Variants in PIEZO2 observed in about 807,000 individuals in gnomAD.
PIEZO2 encodes the protein piezo-type mechanosensitive ion channel component 2.
PIEZO2 carries 172 observed loss-of-function variants against 337.3 expected under a neutral mutation model. The observed-to-expected ratio is 0.51, with a 90% CI of 0.45 to 0.58. PIEZO2 has a LOEUF of 0.58. Among genes scored for constraint, PIEZO2 ranks in the 20% least tolerant of loss-of-function variants. The probability of loss-of-function intolerance (pLI) is 0.00; values close to 1 mark genes in which losing one functional copy is unlikely to be tolerated. For missense variants in PIEZO2, 3,028 were observed against 3,391.3 expected, an observed-to-expected ratio of 0.89 and a Z score of 2.66; for synonymous variants, 1,251 against 1,228.5, an observed-to-expected ratio of 1.02 and a Z score of -0.38.
Position 10,993,797 on chromosome 18 carries a change from G to A in PIEZO2, c.161-14137C>T, listed in dbSNP as rs1028401106. 6.6e-6 allele frequency among the ~76,000 whole-genome samples: 1 copy of A among 152,076 alleles called. No homozygotes were observed. Among genetic ancestry groups the A allele is most frequent in the Non-Finnish European group, 1.5e-5 (1 of 68,018 alleles). ...CCGCTTCGGCCTCCCAAAGTGCTGG[G>A]ATTACAGGCGTGAGCCACCGCTCCT... is the stretch of plus-strand genomic sequence containing the variant. On this transcript the variant is annotated intron_variant, in intron 2 of 55. Transcript: ENST00000674853. The surrounding 1 kb of genome is among the most constrained non-coding windows in gnomAD (Gnocchi z 5.0).
intron 22 of PIEZO2, 47 bp downstream of exon 22, chr18:10,762,875 C>A: frequency 6.6e-7 from 1 of 1,516,424 alleles, no homozygotes. Flanking sequence ...ATCTGCCTTG[C>A]TTTGCTAAAG....
In PIEZO2 at chr18:10,821,408, CCTGA is replaced by C. The variant is rs2040517503; in HGVS notation, c.918-14138_918-14135del. ...ACTTCACATATCTTTTTAACACCTGCCTGACTAATATGAATATATACTTGCATAA... is the reference window on the plus strand; with the variant it reads ...ACTTCACATATCTTTTTAACACCTGCCTAATATGAATATATACTTGCATAA... On this transcript the variant is annotated intron_variant, in intron 7 of 55. Transcript: ENST00000674853. This position sits in a 1 kb window ranked among gnomAD's most constrained non-coding sequence, Gnocchi z 4.2. Among the ~76,000 whole-genome samples, 1 of 152,014 alleles carries C rather than the reference CCTGA, an allele frequency of 6.6e-6. No individual in the cohort carries two copies. Among genetic ancestry groups the C allele is most frequent in the Non-Finnish European group, 1.5e-5 (1 of 67,996 alleles).
At chr18:10,680,395 C>T (rs1230082303) in intron 51 of PIEZO2, 24 bp from the exon 52 acceptor site, 1 of 1,602,936 alleles carries the variant, frequency 6.2e-7, no homozygotes, top group Admixed American at 1.7e-5. Context: ...AATGCACATG[C>T]ATAAATAGAT....
In PIEZO2 at chr18:10,781,230, G is replaced by A. The variant is rs1393808552; in HGVS notation, c.2493-864C>T. On this transcript the variant is annotated intron_variant, in intron 17 of 55. Coordinates refer to ENST00000674853, the MANE Select transcript of PIEZO2 (RefSeq NM_001378183.1). The surrounding 1 kb of genome is among the most constrained non-coding windows in gnomAD (Gnocchi z 4.1). Reference sequence around the variant, plus strand: ...TCACGCCTGTAATCCCAGCACTTTGGGAAGTCGAGGCAGGTGGATCATGAG... The same window carrying A: ...TCACGCCTGTAATCCCAGCACTTTGAGAAGTCGAGGCAGGTGGATCATGAG... Among the ~76,000 whole-genome samples the A allele has an allele frequency of 2.0e-5, 3 of 152,044 alleles. No individual in the cohort carries two copies. The highest frequency in any genetic ancestry group is 4.4e-5 in the Non-Finnish European group (3 of 68,020).
At chr18:11,018,229 G>A (rs2036189289) in intron 2 of PIEZO2, among the ~76,000 whole-genome samples, 2 of 151,356 alleles carry the variant, frequency 1.3e-5, no homozygotes, top group South Asian at 4.2e-4. Flanking sequence ...TGGTGTGTGT[G>A]TGTGTGTGTG....
chr18:11,055,923 G>C (rs552832012), intron 2 of PIEZO2, among the ~76,000 whole-genome samples: 2 of 152,322 alleles, frequency 1.3e-5, no homozygotes, highest in Admixed American at 6.5e-5. Context: ...CTCTGCCCTC[G>C]AGCTCCATCA....
chr18:10,787,254 G>T (rs1196923948), intron 15 of PIEZO2, 70 bp from the exon 16 acceptor site: 5 of 1,386,488 alleles, frequency 3.6e-6, no homozygotes, highest in Non-Finnish European at 4.8e-6. Flanking sequence ...AAAATATTTG[G>T]TTTAATTCAA....
In PIEZO2 at chr18:10,775,978, T is replaced by C. The variant is rs192688762; in HGVS notation, c.2535-1940A>G. Among the ~76,000 whole-genome samples, 33 of 152,336 alleles carry C rather than the reference T, an allele frequency of 2.2e-4. No homozygotes were observed. Among genetic ancestry groups the C allele is most frequent in the African/African-American group, 7.5e-4 (31 of 41,582 alleles). On this transcript the variant is annotated intron_variant, in intron 18 of 55. Coordinates refer to ENST00000674853, the MANE Select transcript of PIEZO2 (RefSeq NM_001378183.1). The surrounding 1 kb of genome is among the most constrained non-coding windows in gnomAD (Gnocchi z 4.3). ...TTTACTAGTCTAGGGGTTTATTAACTATCTTGAGAAATTTCAGAGAATTGT... is the reference window on the plus strand; with the variant it reads ...TTTACTAGTCTAGGGGTTTATTAACCATCTTGAGAAATTTCAGAGAATTGT...
chr18:11,004,651 G>A (rs112366240), intron 2 of PIEZO2, among the ~76,000 whole-genome samples: 1 of 152,190 alleles, frequency 6.6e-6, no homozygotes, highest in Non-Finnish European at 1.5e-5. Context: ...AATCAGAAGG[G>A]AGATTCTTTT....
chr18:10,692,602 T>C (rs572113602), intron 47 of PIEZO2, among the ~76,000 whole-genome samples: 1 of 152,246 alleles, frequency 6.6e-6, no homozygotes, highest in East Asian at 1.9e-4. Flanking sequence ...TCCAGCACCA[T>C]TTGCATTTGT....
intron 3 of PIEZO2, among the ~76,000 whole-genome samples, chr18:10,930,020 C>A (rs1380883319): frequency 6.6e-6 from 1 of 152,190 alleles, no homozygotes; most frequent in Non-Finnish European, 1.5e-5. Flanking sequence ...ACTGACAGAA[C>A]AAACTTTTTG....
At chr18:10,689,913 C>T (rs770472421) in intron 48 of PIEZO2, 111 bp from the exon 49 acceptor site, 9 of 1,306,166 alleles carry the variant, frequency 6.9e-6, no homozygotes, top group Non-Finnish European at 9.2e-6. Flanking sequence ...GACTCAGAAA[C>T]AATTCTCTAG....
intron 1 of PIEZO2, among the ~76,000 whole-genome samples, chr18:11,107,397 A>C (rs1319199192): frequency 6.6e-6 from 1 of 152,226 alleles, no homozygotes; most frequent in African/African-American, 2.4e-5. Context: ...AACTGAAAAT[A>C]AACAGATAAA....
At chr18:10,735,354 G>A (rs1223126272) in intron 34 of PIEZO2, among the ~76,000 whole-genome samples, 24 bp from the exon 35 acceptor site, 1 of 152,166 alleles carries the variant, frequency 6.6e-6, no homozygotes, top group Non-Finnish European at 1.5e-5. Flanking sequence ...CAAAGCAAGA[G>A]TAATTAGTAG....
At position 11,003,497 on chromosome 18, in the gene PIEZO2, T is replaced by G. The variant is rs1280109585; in HGVS notation, c.161-23837A>C. On this transcript the variant is annotated intron_variant, in intron 2 of 55. Transcript: ENST00000674853. The surrounding 1 kb of genome is among the most constrained non-coding windows in gnomAD (Gnocchi z 4.6). Reference sequence around the variant, plus strand: ...ACACTTCTATATTAAACACCTGAAATAAATGTGAACTACACATACATTTAA... The same window carrying G: ...ACACTTCTATATTAAACACCTGAAAGAAATGTGAACTACACATACATTTAA... 6.6e-6 allele frequency among the ~76,000 whole-genome samples: 1 copy of G among 152,176 alleles called. No individual in the cohort carries two copies. The highest frequency in any genetic ancestry group is 1.5e-5 in the Non-Finnish European group (1 of 68,024).
In PIEZO2 at chr18:11,027,312, G is replaced by A. The variant is rs1400028493; in HGVS notation, c.160+38815C>T. Among the ~76,000 whole-genome samples, 1 of 152,162 alleles carries A rather than the reference G, an allele frequency of 6.6e-6. No individual in the cohort carries two copies. Among genetic ancestry groups the A allele is most frequent in the Non-Finnish European group, 1.5e-5 (1 of 68,034 alleles). ...GTCAAGGTATAACCGGGCTCTGCTG[G>A]ACCTGTGTGTGAATAAAGGAAGGAC... On this transcript the variant is annotated intron_variant, in intron 2 of 55. Transcript: ENST00000674853. This position sits in a 1 kb window ranked among gnomAD's most constrained non-coding sequence, Gnocchi z 4.2.
intron 29 of PIEZO2, among the ~76,000 whole-genome samples, chr18:10,749,161 T>C (rs953806285): frequency 6.6e-6 from 1 of 151,900 alleles, no homozygotes; most frequent in Non-Finnish European, 1.5e-5. Flanking sequence ...AAAAAAAAAA[T>C]TAATCTTTTT....
intron 7 of PIEZO2, among the ~76,000 whole-genome samples, chr18:10,816,121 G>GGGA (rs1340854197): frequency 6.6e-6 from 1 of 152,152 alleles, no homozygotes; most frequent in East Asian, 1.9e-4. Context: ...GCTCTTCACT[G>GGGA]GGAGGAGCTT....
At position 10,726,498 on chromosome 18, in the gene PIEZO2, G is replaced by A. The variant is rs1176122003; in HGVS notation, c.5029+4909C>T. 4.2e-5 allele frequency: 63 copies of A among 1,496,110 alleles called. No individual in the cohort carries two copies. The highest frequency in any genetic ancestry group is 5.4e-5 in the Non-Finnish European group (61 of 1,127,686). 92.7% of individuals were successfully genotyped at this position (1,496,110 alleles called of 1,614,324 possible). On this transcript the variant is annotated intron_variant, in intron 36 of 55. Transcript: ENST00000674853. This position sits in a 1 kb window ranked among gnomAD's most constrained non-coding sequence, Gnocchi z 5.9. ...GCCACCCTGCACAGCGTGCTGCTCC[G>A]CAAGCAGCCGTTCCTGTGGCGCGCT...
Sources: gnomAD v4.1 joint callset for allele counts (sites outside exome capture counted in the v4.1 genomes callset) on GRCh38, gnomAD v4.1.1 for gene constraint, Gnocchi (gnomAD v3.1) non-coding constraint, MANE v1.5 for transcripts, NCBI Gene and HGNC (gene_info 2026-07-23, HGNC 2026-07-21) for gene names.